Variants in MTARC2 observed in about 807,000 individuals in gnomAD.
MTARC2 encodes mitochondrial amidoxime reducing component 2.
Under a neutral mutation model 35.6 loss-of-function variants are expected in MTARC2, and 27 were observed. The observed-to-expected ratio is 0.76, with a 90% confidence interval of 0.56 to 1.04. MTARC2 has a LOEUF of 1.04. Ranked by LOEUF, MTARC2 falls within the 50% of genes least tolerant of loss-of-function variation. The pLI is 0.00. For missense variants in MTARC2, 412 were observed against 432.5 expected, an observed-to-expected ratio of 0.95 and a Z score of 0.42; for synonymous variants, 158 against 167.1, an observed-to-expected ratio of 0.95 and a Z score of 0.42.
chr1:220,777,793 T>A (rs6657944), intron 4 of MTARC2, among the ~76,000 whole-genome samples: 1 of 151,948 alleles, frequency 6.6e-6, no homozygotes, highest in Non-Finnish European at 1.5e-5. Flanking sequence ...TCTACATACA[T>A]CCCCTCCCGT....
Position 220,755,126 on chromosome 1 carries a change from C to T in MTARC2, c.446+6C>T, listed in dbSNP as rs780840744. Reference sequence around the variant, plus strand: ...AACAAACTCCACAACTGCAGGTGTTCCGCTTGGGGGCATCCACAGAACTGC... The same window carrying T: ...AACAAACTCCACAACTGCAGGTGTTTCGCTTGGGGGCATCCACAGAACTGC... On this transcript the variant is annotated splice_donor_region_variant and intron_variant, in intron 2 of 7. Coordinates refer to ENST00000366913, the MANE Select transcript of MTARC2 (RefSeq NM_017898.5). The T allele has an allele frequency of 1.3e-6, 2 of 1,597,052 alleles. No homozygotes were observed. The highest frequency in any genetic ancestry group is 1.7e-6 in the Non-Finnish European group (2 of 1,172,288).
chr1:220,753,211 G>A (rs1025146665), intron 1 of MTARC2, among the ~76,000 whole-genome samples: 6 of 151,938 alleles, frequency 3.9e-5, no homozygotes, highest in African/African-American at 1.5e-4. Context: ...CTGGGTGACA[G>A]AGTGAGACTC....
At chr1:220,782,961 GT>G (rs1348934264) in intron 7 of MTARC2, among the ~76,000 whole-genome samples, 10 of 152,224 alleles carry the variant, frequency 6.6e-5, no homozygotes, top group Non-Finnish European at 1.3e-4. Context: ...TATCAGTTAT[GT>G]TTTTTATTGC....
intron 4 of MTARC2, among the ~76,000 whole-genome samples, chr1:220,767,131 T>C (rs1469939543): frequency 6.6e-6 from 1 of 152,142 alleles, no homozygotes; most frequent in Admixed American, 6.5e-5. Flanking sequence ...CGAACAATCC[T>C]CTGGCCACGC....
chr1:220,783,937 G>C lies in MTARC2; in HGVS notation c.*50G>C. The C allele has an allele frequency of 1.4e-6, 1 of 717,434 alleles. No homozygotes were observed. The highest frequency in any genetic ancestry group is 1.5e-5 in the South Asian group (1 of 67,602). 44.4% of individuals were successfully genotyped at this position (717,434 alleles called of 1,614,324 possible). A position where few individuals can be genotyped will look rare whatever the true frequency, so the allele number is the denominator to read the frequency against. Reference sequence around the variant, plus strand: ...TATTCAGGCTTCAGCAACCAGGAGGGATTGACTGAGATCTTAACAACAGCA... The same window carrying C: ...TATTCAGGCTTCAGCAACCAGGAGGCATTGACTGAGATCTTAACAACAGCA... On this transcript the variant is annotated 3_prime_UTR_variant, in exon 8 of 8. Coordinates refer to ENST00000366913, the MANE Select transcript of MTARC2 (RefSeq NM_017898.5).
At chr1:220,771,275 G>A (rs1297701740) in intron 4 of MTARC2, among the ~76,000 whole-genome samples, 1 of 135,520 alleles carries the variant, frequency 7.4e-6, no homozygotes, top group African/African-American at 2.9e-5. Flanking sequence ...CTTCAGCCTT[G>A]GTGACAGAGT....
chr1:220,782,298 G>GAAAA (rs756604274), intron 7 of MTARC2, among the ~76,000 whole-genome samples: 1 of 152,162 alleles, frequency 6.6e-6, no homozygotes, highest in Non-Finnish European at 1.5e-5. Flanking sequence ...TTCTGTCTCA[G>GAAAA]ATAGAAGGGA....
intron 4 of MTARC2, among the ~76,000 whole-genome samples, chr1:220,765,221 C>T (rs1671549445): frequency 6.6e-6 from 1 of 152,078 alleles, no homozygotes; most frequent in Non-Finnish European, 1.5e-5. Context: ...GTAAAGGTGA[C>T]AGGCAGTTGG....
chr1:220,756,389 C>G (rs1671282221), intron 2 of MTARC2: 1 of 152,246 alleles, frequency 6.6e-6, no homozygotes, highest in Non-Finnish European at 1.5e-5. Flanking sequence ...TTTCAAAAGT[C>G]TGAAGCAATA....
rs908326233 is a variant in MTARC2 at position 220,762,849 on chromosome 1, G to C, written c.610-61G>C. On this transcript the variant is annotated intron_variant, in intron 3 of 7. Transcript: ENST00000366913. ...TTGCTTCTGGACATTACTTAGCTTTGTAGTTGGTCTAGGCCATTTTGTGGA... is the reference window on the plus strand; with the variant it reads ...TTGCTTCTGGACATTACTTAGCTTTCTAGTTGGTCTAGGCCATTTTGTGGA... 5.0e-6 allele frequency: 8 copies of C among 1,591,392 alleles called. No homozygotes were observed. The Admixed American group carries it at 5.2e-5, about 10-fold the overall frequency.
intron 4 of MTARC2, among the ~76,000 whole-genome samples, chr1:220,777,880 T>C (rs547010660): frequency 6.6e-6 from 1 of 152,328 alleles, no homozygotes; most frequent in African/African-American, 2.4e-5. Flanking sequence ...GTAATCTGTC[T>C]GGATATATGT....
intron 2 of MTARC2, among the ~76,000 whole-genome samples, chr1:220,756,857 G>A (rs1312840502): frequency 2.0e-5 from 3 of 152,192 alleles, no homozygotes; most frequent in Non-Finnish European, 2.9e-5. Flanking sequence ...CCTTGCAGGT[G>A]AGTTGCCTGG....
intron 1 of MTARC2, among the ~76,000 whole-genome samples, chr1:220,752,336 G>A (rs1045414769): frequency 6.6e-6 from 1 of 152,150 alleles, no homozygotes; most frequent in African/African-American, 2.4e-5. Context: ...GAAGGGGCAT[G>A]TTGGAAGTTA....
rs551334123 is a variant in MTARC2, at chr1:220,776,032, G to A, written c.751-3986G>A. 2.6e-5 allele frequency among the ~76,000 whole-genome samples: 4 copies of A among 152,176 alleles called. No homozygotes were observed. In the East Asian group the frequency reaches 5.8e-4, roughly 22 times the overall value. On this transcript the variant is annotated intron_variant, in intron 4 of 7. Transcript: ENST00000366913. Reference sequence around the variant, plus strand: ...TGGTAGAATGATTTATATTCCTTTGGGTATATACCCAGTAATGGGATTGCT... The same window carrying A: ...TGGTAGAATGATTTATATTCCTTTGAGTATATACCCAGTAATGGGATTGCT...
chr1:220,784,681 C>T lies in MTARC2; in HGVS notation c.*794C>T, dbSNP rs747961646. 1.3e-5 allele frequency: 2 copies of T among 152,022 alleles called. No individual in the cohort carries two copies. The highest frequency in any genetic ancestry group is 2.9e-5 in the Non-Finnish European group (2 of 68,010). The allele number at this position is 152,022 out of a possible 1,614,324, so 9.4% of individuals were successfully genotyped here. ...TTTTTTTCAGTGCAAATAATTTTTT[C>T]GTAACAAAGAAACGAACAACTTTGG... is the stretch of plus-strand genomic sequence containing the variant. On this transcript the variant is annotated 3_prime_UTR_variant, in exon 8 of 8. Coordinates refer to ENST00000366913, the MANE Select transcript of MTARC2 (RefSeq NM_017898.5).
rs745856441 is a variant in MTARC2 at position 220,780,191 on chromosome 1, C to G, written c.836C>G (p.Pro279Arg). The G allele has an allele frequency of 6.2e-7, 1 of 1,612,878 alleles. No individual in the cohort carries two copies. Among genetic ancestry groups the G allele is most frequent in the Non-Finnish European group, 8.5e-7 (1 of 1,179,646 alleles). ...AGGTGTATTTTGACAACGGTGGACC[C>G]AGACACTGGAGTCATAGACAGGAAA... Reference protein sequence around the residue: ...CPRCILTTVDPDTGVIDRKQP... With the variant: ...CPRCILTTVDRDTGVIDRKQP... Residue 279 changes from proline to arginine, a missense_variant, in exon 6 of 8, where the codon CCA becomes CGA. By Grantham distance (103) the Pro-to-Arg change is moderately radical (BLOSUM62 -2). Transcript: ENST00000366913.
At chr1:220,766,112 C>A (rs184570355) in intron 4 of MTARC2, among the ~76,000 whole-genome samples, 2 of 151,974 alleles carry the variant, frequency 1.3e-5, no homozygotes, top group Non-Finnish European at 2.9e-5. Context: ...AGGCCCCCGA[C>A]GTACTCAGGA....
chr1:220,759,610 C>T (rs1051457307), intron 2 of MTARC2, among the ~76,000 whole-genome samples: 6 of 152,026 alleles, frequency 3.9e-5, no homozygotes, highest in Non-Finnish European at 8.8e-5. Context: ...AATATGTGTG[C>T]ACTTATGTAC....
At chr1:220,770,629 T>A in intron 4 of MTARC2, 1 of 911,460 alleles carries the variant, frequency 1.1e-6, no homozygotes, top group Non-Finnish European at 1.3e-6. Context: ...GGGCTGTGAG[T>A]CACTGCATGG....
Sources: gnomAD v4.1 joint callset for allele counts (sites outside exome capture counted in the v4.1 genomes callset) on GRCh38, gnomAD v4.1.1 for gene constraint, MANE v1.5 for transcripts, NCBI Gene and HGNC (gene_info 2026-07-23, HGNC 2026-07-21) for gene names.